TMEM232: variants seen among roughly 807,000 people sequenced by gnomAD.
TMEM232 encodes transmembrane protein 232.
In TMEM232, 80 loss-of-function variants were observed where a neutral mutation model predicts 78.8. The ratio of observed to expected loss-of-function variants is 1.01; its 90% CI spans 0.85 to 1.22. The LOEUF (loss-of-function observed/expected upper bound fraction) is 1.22, where lower values mean the gene tolerates loss of function less well. TMEM232 is among the 50% of genes most tolerant of loss of function. TMEM232 has a pLI of 0.00. For missense variants in TMEM232, 881 were observed against 742.2 expected (o/e 1.19, Z -2.17); for synonymous variants, 297 against 254.3 (o/e 1.17, Z -1.60).
At chr5:110,638,159 G>A in intron 5 of TMEM232, 39 bp downstream of exon 5, 9 of 1,459,698 alleles carry the variant, frequency 6.2e-6, no homozygotes, top group Non-Finnish European at 8.3e-6. Context: ...TGTAGTATGT[G>A]AAATATTTAA....
At chr5:110,681,325 C>T (rs899493158) in intron 1 of TMEM232, among the ~76,000 whole-genome samples, 18 of 152,068 alleles carry the variant, frequency 1.2e-4, no homozygotes, top group East Asian at 5.8e-4. Flanking sequence ...CAATTGCTTC[C>T]GGGAGGAGCA....
At chr5:110,671,230 A>G (rs1791312050) in intron 1 of TMEM232, among the ~76,000 whole-genome samples, 1 of 152,228 alleles carries the variant, frequency 6.6e-6, no homozygotes, top group African/African-American at 2.4e-5. Flanking sequence ...AATGGTGATC[A>G]TTAAAAAGTC....
At chr5:110,669,168 C>CA (rs533367451) in intron 1 of TMEM232, among the ~76,000 whole-genome samples, 3 of 151,746 alleles carry the variant, frequency 2.0e-5, no homozygotes, top group African/African-American at 4.8e-5. Context: ...AAAAACACTT[C>CA]AAAAAAATCA....
Position 110,420,512 on chromosome 5 carries a change from G to T in TMEM232, c.*68C>A. The T allele has an allele frequency of 4.1e-6, 4 of 975,804 alleles. No homozygotes were observed. The highest frequency in any genetic ancestry group is 5.6e-6 in the Non-Finnish European group (4 of 714,416). 60.4% of individuals were successfully genotyped at this position (975,804 alleles called of 1,614,324 possible). A position where few individuals can be genotyped will look rare whatever the true frequency, so the allele number is the denominator to read the frequency against. ...GTTCTCTTACTATGTAGCTATCTTGGTATTTTTCATCCTATGTATTTCTGC... is the reference window on the plus strand; with the variant it reads ...GTTCTCTTACTATGTAGCTATCTTGTTATTTTTCATCCTATGTATTTCTGC... On this transcript the variant is annotated 3_prime_UTR_variant, in exon 14 of 14. Transcript: ENST00000455884.
intron 1 of TMEM232, among the ~76,000 whole-genome samples, chr5:110,723,487 A>G (rs985470600): frequency 5.9e-5 from 9 of 151,866 alleles, no homozygotes; most frequent in Admixed American, 2.0e-4. Context: ...GCCTACTGAG[A>G]TTATTATCCA....
At chr5:110,538,639 G>A (rs1227465395) in intron 11 of TMEM232, among the ~76,000 whole-genome samples, 3 of 152,178 alleles carry the variant, frequency 2.0e-5, no homozygotes, top group Non-Finnish European at 4.4e-5. Context: ...GACTGCCCCT[G>A]CTCCCACCAA....
intron 5 of TMEM232, among the ~76,000 whole-genome samples, chr5:110,635,999 A>G (rs1243242391): frequency 6.6e-6 from 1 of 152,082 alleles, no homozygotes; most frequent in Non-Finnish European, 1.5e-5. Flanking sequence ...AATAGTAAAG[A>G]TATGGAATTA....
chr5:110,498,039 C>T (rs954404582), intron 12 of TMEM232, among the ~76,000 whole-genome samples: 15 of 152,006 alleles, frequency 9.9e-5, no homozygotes, highest in Non-Finnish European at 5.9e-5. Context: ...CTTTTAATGC[C>T]TCATAACAGT....
At chr5:110,545,726 T>G (rs1773687636) in intron 11 of TMEM232, among the ~76,000 whole-genome samples, 1 of 152,262 alleles carries the variant, frequency 6.6e-6, no homozygotes, top group Non-Finnish European at 1.5e-5. Flanking sequence ...CATAAAATGT[T>G]AACCACAAAG....
At chr5:110,466,616 G>GT (rs59026770) in intron 12 of TMEM232, among the ~76,000 whole-genome samples, 31,436 of 143,266 alleles carry the variant, frequency 0.22, 5,136 homozygotes, top group African/African-American at 0.45. Context: ...GACAAGCATA[G>GT]TTTTTTTTTT....
In TMEM232 at chr5:110,473,333, T is replaced by A. The variant is rs113192170; in HGVS notation, c.1704-48417A>T. ...ATGCCCAAAAGTTACATAAAAATAC[T>A]CAACATCACTGATCATCAGGAAAAT... On this transcript the variant is annotated intron_variant, in intron 12 of 13. Transcript: ENST00000455884. Among the ~76,000 whole-genome samples, 298 of 151,858 alleles carry A rather than the reference T, an allele frequency of 2.0e-3. 1 individual carries two copies. The highest frequency in any genetic ancestry group is 6.6e-3 in the African/African-American group (275 of 41,504).
intron 12 of TMEM232, among the ~76,000 whole-genome samples, chr5:110,462,960 T>C (rs1246061688): frequency 6.6e-6 from 1 of 152,198 alleles, no homozygotes; most frequent in Non-Finnish European, 1.5e-5. Context: ...ATTCTACTCC[T>C]GGTAAAGATG....
At chr5:110,624,801 A>G (rs559564609) in intron 7 of TMEM232, among the ~76,000 whole-genome samples, 1 of 152,254 alleles carries the variant, frequency 6.6e-6, no homozygotes, top group Non-Finnish European at 1.5e-5. Flanking sequence ...ATAAGGTAAC[A>G]CATAACATTA....
intron 10 of TMEM232, among the ~76,000 whole-genome samples, chr5:110,600,551 T>G (rs1243298199): frequency 2.0e-5 from 3 of 152,082 alleles, no homozygotes; most frequent in East Asian, 1.9e-4. Flanking sequence ...GCAAATAAAC[T>G]AGAAAACCTA....
At chr5:110,598,253 GA>G (rs368939126) in intron 10 of TMEM232, among the ~76,000 whole-genome samples, 32,344 of 151,946 alleles carry the variant, frequency 0.21, 5,085 homozygotes, top group African/African-American at 0.45. Flanking sequence ...AAAGACACAT[GA>G]AAAAAATGCT....
intron 1 of TMEM232, among the ~76,000 whole-genome samples, chr5:110,723,647 T>C (rs1206799315): frequency 6.6e-6 from 1 of 152,206 alleles, no homozygotes; most frequent in Non-Finnish European, 1.5e-5. Context: ...GACTGCTATA[T>C]CTCTTGGTAC....
At chr5:110,720,581 T>C (rs1429762795) in intron 1 of TMEM232, 1 of 152,190 alleles carries the variant, frequency 6.6e-6, no homozygotes, top group Non-Finnish European at 1.5e-5. Context: ...TGGAAATCTC[T>C]GTAATAGTTC....
chr5:110,587,691 A>ATATATATGTGTG (rs1209205049), intron 10 of TMEM232, among the ~76,000 whole-genome samples: 9 of 63,126 alleles, frequency 1.4e-4, no homozygotes, highest in African/African-American at 5.8e-4. Flanking sequence ...ATATATATAT[A>ATATATATGTGTG]TGTGTGTGTG....
chr5:110,562,347 C>T (rs1326810974), intron 11 of TMEM232, among the ~76,000 whole-genome samples: 1 of 152,076 alleles, frequency 6.6e-6, no homozygotes, highest in Non-Finnish European at 1.5e-5. Context: ...ATGTTCTTTT[C>T]ACAGTGTTCT....
Sources: gnomAD v4.1 joint callset for allele counts (sites outside exome capture counted in the v4.1 genomes callset) on GRCh38, gnomAD v4.1.1 for gene constraint, MANE v1.5 for transcripts, NCBI Gene and HGNC (gene_info 2026-07-23, HGNC 2026-07-21) for gene names.